The following PABPC4 variants were observed in gnomAD, a reference collection of about 807,000 sequenced individuals.
The protein encoded by PABPC4 is poly(A) binding protein cytoplasmic 4, also known as polyadenylate-binding protein 4.
PABPC4 carries 15 observed loss-of-function variants against 74.5 expected under a neutral mutation model. The observed-to-expected ratio is 0.20, with a 90% CI of 0.13 to 0.31. The LOEUF (loss-of-function observed/expected upper bound fraction) is 0.31, where lower values mean the gene tolerates loss of function less well. PABPC4 is among the 10% of genes least tolerant of loss of function. The pLI, the probability that PABPC4 is intolerant of heterozygous loss-of-function variation, is 1.00. For missense variants in PABPC4, 610 were observed against 853.5 expected (o/e 0.71, Z 3.55); for synonymous variants, 345 against 303.0 (o/e 1.14, Z -1.44).
chr1:39,571,771 G>A (rs1645944651), intron 2 of PABPC4: 1 of 366,622 alleles, frequency 2.7e-6, no homozygotes, highest in South Asian at 2.0e-5. Context: ...TACTTGGGAG[G>A]CTGAGGTGGG....
intron 7 of PABPC4, among the ~76,000 whole-genome samples, chr1:39,567,131 G>C (rs1053259226): frequency 6.6e-6 from 1 of 152,188 alleles, no homozygotes; most frequent in African/African-American, 2.4e-5. Context: ...AGGACAAGCA[G>C]TACACCATCC....
chr1:39,569,300 G>A (rs1205550123), intron 5 of PABPC4, among the ~76,000 whole-genome samples: 2 of 152,240 alleles, frequency 1.3e-5, no homozygotes, highest in Admixed American at 1.3e-4. Context: ...CTGCCGTGCT[G>A]TTATCAAATC....
Position 39,569,899 on chromosome 1 carries a change from C to A in PABPC4, c.607G>T (p.Asp203Tyr). ...VYIKNFGEEV[D>Y]DESLKELFSQ... ...AATAGCTCTTTCAGACTCTCATCAT[C>A]CACCTCTTCCCCAAAGTTTTTGATA... The change falls in exon 4 of 16, where the codon GAT (aspartate) becomes TAT (tyrosine). Residue 203 changes from aspartate (D) to tyrosine (Y), a missense_variant. Asp to Tyr is a radical substitution (Grantham distance 160, BLOSUM62 -3). Around this residue, in one of 4 missense-constraint regions of PABPC4, gnomAD observed 304 missense variants for 478.9 expected, o/e 0.63. Transcript: ENST00000372858. 7 of 1,614,048 alleles carry A rather than the reference C, an allele frequency of 4.3e-6. No individual in the cohort carries two copies. Among genetic ancestry groups the A allele is most frequent in the Non-Finnish European group, 5.1e-6 (6 of 1,180,024 alleles).
Position 39,576,480 on chromosome 1 carries a change from G to T in PABPC4, c.-529C>A. The T allele has an allele frequency of 6.7e-6, 1 of 150,360 alleles. No individual in the cohort carries two copies. Among genetic ancestry groups the T allele is most frequent in the South Asian group, 1.8e-4 (1 of 5,490 alleles). The allele number at this position is 150,360 out of a possible 1,614,324, so 9.3% of individuals were successfully genotyped here. A position where few individuals can be genotyped will look rare whatever the true frequency, so the allele number is the denominator to read the frequency against. On this transcript the variant is annotated 5_prime_UTR_variant, in exon 1 of 16. Coordinates refer to ENST00000372858, the MANE Select transcript of PABPC4 (RefSeq NM_001135653.2). Reference sequence around the variant, plus strand: ...GGGCAGCACGGACACGTGGTGCGCCGGGGCAGGCGCGGGGCGCGGGGCTCG... The same window carrying T: ...GGGCAGCACGGACACGTGGTGCGCCTGGGCAGGCGCGGGGCGCGGGGCTCG...
At chr1:39,573,166 T>TG (rs1645967689) in intron 1 of PABPC4, 2 of 149,206 alleles carry the variant, frequency 1.3e-5, no homozygotes, top group East Asian at 3.9e-4. Context: ...GCAAATGATC[T>TG]GGAAAAAAAA....
At position 39,563,988 on chromosome 1, in the gene PABPC4, AAGG is replaced by A. The variant is rs1177854477; in HGVS notation, c.1454-69_1454-67del. On this transcript the variant is annotated intron_variant, in intron 10 of 15. Transcript: ENST00000372858. ...ATGTCCAACTGGCCACGTCCCACGG[AAGG>A]AGAAATTTCAAAGCACGTTTACGCA... 7 of 1,476,814 alleles carry A rather than the reference AAGG, an allele frequency of 4.7e-6. 1 individual carries two copies. The East Asian group carries it at 1.6e-4, about 34-fold the overall frequency. 91.5% of individuals were successfully genotyped at this position (1,476,814 alleles called of 1,614,324 possible). A position where few individuals can be genotyped will look rare whatever the true frequency, so the allele number is the denominator to read the frequency against.
At chr1:39,571,691 A>G (rs910681009) in intron 2 of PABPC4, 4 of 473,884 alleles carry the variant, frequency 8.4e-6, no homozygotes, top group Non-Finnish European at 1.7e-5. Flanking sequence ...TCGTTGGACA[A>G]TGGAGACCCT....
intron 5 of PABPC4, among the ~76,000 whole-genome samples, 153 bp from the exon 6 acceptor site, chr1:39,569,092 T>A (rs1645896084): frequency 6.6e-6 from 1 of 152,182 alleles, no homozygotes. Flanking sequence ...AACTTCCTCA[T>A]CTGTAAAGTG....
At chr1:39,573,630 C>T (rs954988159) in intron 1 of PABPC4, among the ~76,000 whole-genome samples, 2 of 152,248 alleles carry the variant, frequency 1.3e-5, no homozygotes, top group African/African-American at 4.8e-5. Flanking sequence ...ACCAGCCTGA[C>T]CAACATGGTG....
At position 39,563,661 on chromosome 1, in the gene PABPC4, A is replaced by C. The variant is rs1267805455; in HGVS notation, c.1621T>G (p.Tyr541Asp). The change falls in exon 12 of 16, where the codon TAC (tyrosine) becomes GAC (aspartate). Residue 541 changes from tyrosine (Y) to aspartate (D), a missense_variant. Transcript: ENST00000372858. ...TGAGGGCTGCGGACACTGGAGGCGT[A>C]TTTGTAGGGGGCAACAGCCCGGGGA... is the stretch of plus-strand genomic sequence containing the variant. ...AAPRAVAPYKYASSVRSPHPA... is the reference protein window; with the variant it reads ...AAPRAVAPYKDASSVRSPHPA... 1.2e-6 allele frequency: 2 copies of C among 1,614,240 alleles called. No homozygotes were observed. Among genetic ancestry groups the C allele is most frequent in the Non-Finnish European group, 1.7e-6 (2 of 1,180,048 alleles).
intron 7 of PABPC4, 50 bp from the exon 8 acceptor site, chr1:39,565,428 G>A (rs866260235): frequency 1.3e-6 from 2 of 1,552,298 alleles, no homozygotes; most frequent in Middle Eastern, 3.4e-4. Flanking sequence ...CTGGCTGGGT[G>A]TGATGGCTTG....
chr1:39,571,021 G>A (rs1645932337), intron 3 of PABPC4: 7 of 1,421,344 alleles, frequency 4.9e-6, no homozygotes, highest in Non-Finnish European at 5.5e-6. Context: ...AGAGGCGGCA[G>A]GCAGGCCATG....
chr1:39,567,343 A>G (rs530658602), intron 7 of PABPC4: 2 of 513,318 alleles, frequency 3.9e-6, no homozygotes, highest in South Asian at 2.8e-5. Flanking sequence ...CCACCTCCAA[A>G]ATCTTCAAAA....
chr1:39,560,951 G>A lies in PABPC4; in HGVS notation c.*185C>T, dbSNP rs970833842. ...TGTCTGGGCCACAGCAGAACCCAAA[G>A]AACATATTCGTATAATTGAAAAATT... On this transcript the variant is annotated 3_prime_UTR_variant, in exon 16 of 16. Transcript: ENST00000372858. The A allele has an allele frequency of 3.2e-6, 1 of 312,358 alleles. No homozygotes were observed. The highest frequency in any genetic ancestry group is 2.2e-5 in the African/African-American group (1 of 46,244). 19.3% of individuals were successfully genotyped at this position (312,358 alleles called of 1,614,324 possible). A position where few individuals can be genotyped will look rare whatever the true frequency, so the allele number is the denominator to read the frequency against.
At position 39,572,323 on chromosome 1, in the gene PABPC4, C is replaced by T. The variant is rs375092949; in HGVS notation, c.387+70G>A. The T allele has an allele frequency of 6.0e-6, 7 of 1,166,348 alleles. No individual in the cohort carries two copies. The East Asian group carries it at 9.5e-5, about 16-fold the overall frequency. 72.2% of individuals were successfully genotyped at this position (1,166,348 alleles called of 1,614,324 possible). On this transcript the variant is annotated intron_variant, in intron 2 of 15. Transcript: ENST00000372858. ...TGTTCCCCAATTCCAAGATAGTTCT[C>T]TGTTTGGTATTTATCTTGTTTTCAA...
In PABPC4 at chr1:39,569,599, T is replaced by C. The variant is rs141038469; in HGVS notation, c.734A>G (p.Asn245Ser). 2.8e-5 allele frequency: 45 copies of C among 1,612,978 alleles called. No individual in the cohort carries two copies. The highest frequency in any genetic ancestry group is 6.7e-5 in the African/African-American group (5 of 74,924). The change falls in exon 5 of 16, where the codon AAT (asparagine) becomes AGT (serine). Residue 245 changes from asparagine (N) to serine (S), a missense_variant. Coordinates refer to ENST00000372858, the MANE Select transcript of PABPC4 (RefSeq NM_001135653.2). ...FVSYEKHEDA[N>S]KAVEEMNGKE... The stretch of plus-strand genomic sequence containing the variant: ...CAATCTTTGTGGTATACTCACCTTA[T>C]TGGCATCCTCGTGTTTTTCGTAACT...
chr1:39,573,714 GA>G (rs1645975014), intron 1 of PABPC4, among the ~76,000 whole-genome samples: 1 of 152,178 alleles, frequency 6.6e-6, no homozygotes, highest in Non-Finnish European at 1.5e-5. Context: ...AGCTACTCAG[GA>G]GACTGAGGCA....
intron 7 of PABPC4, among the ~76,000 whole-genome samples, chr1:39,567,144 A>G (rs969223882): frequency 3.3e-5 from 5 of 152,182 alleles, no homozygotes; most frequent in African/African-American, 9.7e-5. Flanking sequence ...CACCATCCCC[A>G]TGTAGTCAGC....
At chr1:39,572,340 T>C (rs775257399) in intron 2 of PABPC4, 53 bp downstream of exon 2, 4 of 1,322,320 alleles carry the variant, frequency 3.0e-6, no homozygotes, top group Admixed American at 1.8e-5. Context: ...GTATTTATCT[T>C]GTTTTCAAGA....
Sources: gnomAD v4.1 joint callset for allele counts (sites outside exome capture counted in the v4.1 genomes callset) on GRCh38, gnomAD v4.1.1 for gene constraint, gnomAD v4.1.1 regional missense constraint, MANE v1.5 for transcripts, NCBI Gene and HGNC (gene_info 2026-07-23, HGNC 2026-07-21) for gene names.